The following SBK1 variants were observed in gnomAD, a reference collection of about 807,000 sequenced individuals.
SBK1 encodes SH3 domain binding kinase 1, also known as serine/threonine-protein kinase SBK1.
A neutral mutation model predicts 24.4 loss-of-function variants in SBK1; 11 were observed. That is an observed-to-expected ratio of 0.45 (90% confidence interval 0.28 to 0.75). The LOEUF (loss-of-function observed/expected upper bound fraction) is 0.75, where lower values mean the gene tolerates loss of function less well. Ranked by LOEUF, SBK1 falls within the 30% of genes least tolerant of loss-of-function variation. The pLI, the probability that SBK1 is intolerant of heterozygous loss-of-function variation, is 0.12. For synonymous variants in SBK1, 308 were observed against 284.4 expected, an observed-to-expected ratio of 1.08 and a Z score of -0.83; for missense variants, 467 against 620.5, an observed-to-expected ratio of 0.75 and a Z score of 2.63.
At chr16:28,318,813 C>G (rs2044816523) in intron 2 of SBK1, among the ~76,000 whole-genome samples, 182 bp from the exon 3 acceptor site, 1 of 152,134 alleles carries the variant, frequency 6.6e-6, no homozygotes, top group African/African-American at 2.4e-5. Context: ...TCAGGTTGAC[C>G]CTGCCTGCAT....
intron 1 of SBK1, among the ~76,000 whole-genome samples, chr16:28,305,301 C>T (rs1487233016): frequency 1.3e-5 from 2 of 152,128 alleles, no homozygotes; most frequent in African/African-American, 4.8e-5. Flanking sequence ...CAACCTCCAC[C>T]TCCCAGGTTC....
intron 1 of SBK1, among the ~76,000 whole-genome samples, chr16:28,263,953 T>C (rs1246729617): frequency 1.3e-5 from 2 of 151,396 alleles, no homozygotes; most frequent in Non-Finnish European, 2.9e-5. Flanking sequence ...AATGAGATCC[T>C]ATCCCTGCAA....
chr16:28,280,797 T>A (rs561134881), intron 1 of SBK1, among the ~76,000 whole-genome samples: 1 of 152,152 alleles, frequency 6.6e-6, no homozygotes, highest in South Asian at 2.1e-4. Context: ...CCTGAGTAAC[T>A]GGGATTATAG....
At chr16:28,303,507 C>CTTTTTT (rs143613970) in intron 1 of SBK1, among the ~76,000 whole-genome samples, 228 of 58,112 alleles carry the variant, frequency 3.9e-3, no homozygotes, top group Middle Eastern at 0.017. Flanking sequence ...CTTTTCTTTT[C>CTTTTTT]TTTTTTTTTT....
intron 1 of SBK1, among the ~76,000 whole-genome samples, chr16:28,301,888 A>G (rs79478794): frequency 0.015 from 2,285 of 152,316 alleles, 54 homozygotes; most frequent in African/African-American, 0.053. Flanking sequence ...ACACAGCTAA[A>G]AAGGGATGGA....
chr16:28,285,254 T>C (rs1019075140), intron 1 of SBK1: 1 of 152,142 alleles, frequency 6.6e-6, no homozygotes, highest in African/African-American at 2.4e-5. Context: ...GTCAGATATT[T>C]TTAATTTTAA....
intron 1 of SBK1, among the ~76,000 whole-genome samples, chr16:28,277,734 C>A (rs970010820): frequency 6.6e-6 from 1 of 152,192 alleles, no homozygotes; most frequent in Admixed American, 6.5e-5. Context: ...GGAGGGGATT[C>A]ATGTCCTGGG....
Position 28,320,714 on chromosome 16 carries a change from G to T in SBK1, c.1068G>T (p.Leu356=). 1.7e-6 allele frequency: 2 copies of T among 1,144,142 alleles called. No homozygotes were observed. Among genetic ancestry groups the T allele is most frequent in the South Asian group, 5.3e-5 (2 of 37,578 alleles). 70.9% of individuals were successfully genotyped at this position (1,144,142 alleles called of 1,614,324 possible). Residue 356 remains leucine, a synonymous_variant, in exon 4 of 4, where the codon CTG becomes CTT. Transcript: ENST00000341901. This position sits in a 1 kb window ranked among gnomAD's most constrained non-coding sequence, Gnocchi z 8.5. ...EAPGPLKRTV[L]TESGSGSRPA... is the part of the protein sequence containing the mutation. ...CTGGGCCGCTCAAGCGGACGGTGCT[G>T]ACCGAGAGCGGCAGCGGCTCCCGGC...
At chr16:28,275,602 C>A (rs192051999) in intron 1 of SBK1, among the ~76,000 whole-genome samples, 1 of 151,792 alleles carries the variant, frequency 6.6e-6, no homozygotes, top group Non-Finnish European at 1.5e-5. Context: ...GAGGGGGTCC[C>A]GGTGCAGTGG....
In SBK1 at chr16:28,323,323, C is replaced by CA. The variant is rs879154073; in HGVS notation, c.*2415dup. The CA allele has an allele frequency of 0.024, 3,262 of 137,812 alleles. 64 individuals carry two copies. The highest frequency in any genetic ancestry group is 0.054 in the African/African-American group (2,041 of 37,520). 8.5% of individuals were successfully genotyped at this position (137,812 alleles called of 1,614,324 possible). ...ACTGTAGACATGAAGACTTAGAAGA[C>CA]AAAAAAAAAAAAATCACACAAAAAA... On this transcript the variant is annotated 3_prime_UTR_variant, in exon 4 of 4. Transcript: ENST00000341901.
chr16:28,280,621 T>C (rs1279965761), intron 1 of SBK1, among the ~76,000 whole-genome samples: 9 of 152,036 alleles, frequency 5.9e-5, no homozygotes, highest in Admixed American at 5.9e-4. Flanking sequence ...ATATCCTCTA[T>C]GGCCCTACTG....
chr16:28,274,193 C>T lies in SBK1; in HGVS notation c.257+14691C>T, dbSNP rs139653510. 1.9e-4 allele frequency among the ~76,000 whole-genome samples: 29 copies of T among 152,094 alleles called. No individual in the cohort carries two copies. In the East Asian group the frequency reaches 3.9e-3, roughly 20 times the overall value. On this transcript the variant is annotated intron_variant, in intron 1 of 3. Coordinates refer to the SBK1 transcript ENST00000671413. The stretch of plus-strand genomic sequence containing the variant: ...ACTCTACAAAACAAAGAATGAGCCC[C>T]GATGATGTAACATATGAACTTTAGT...
chr16:28,320,802 C>A lies in SBK1; in HGVS notation c.1156C>A (p.Pro386Thr). ...PVPVPVPVPV[P>T]VPVPEPGLAP... ...GCCGGTGCCGGTGCCAGTGCCCGTG[C>A]CGGTGCCTGTGCCCGAGCCCGGCCT... is the stretch of plus-strand genomic sequence containing the variant. Residue 386 changes from proline (P) to threonine (T), a missense_variant, in exon 4 of 4, where the codon CCG (proline) becomes ACG (threonine). By Grantham distance (38) the Pro-to-Thr change is conservative. Around this residue, in one of 4 missense-constraint regions of SBK1, gnomAD observed 166 missense variants for 146.8 expected, o/e 1.13. Transcript: ENST00000341901. The surrounding 1 kb of genome is among the most constrained non-coding windows in gnomAD (Gnocchi z 8.5). 1 of 1,438,292 alleles carries A rather than the reference C, an allele frequency of 7.0e-7. No homozygotes were observed. The highest frequency in any genetic ancestry group is 9.1e-7 in the Non-Finnish European group (1 of 1,094,052). 89.1% of individuals were successfully genotyped at this position (1,438,292 alleles called of 1,614,324 possible).
chr16:28,320,658 C>G lies in SBK1; in HGVS notation c.1012C>G (p.Pro338Ala). ...GCGCAAGCCCCCCGGGGACCGCCCG[C>G]CCGCCGCCGGGCCACTGCGCCTCGA... ...RARKPPGDRP[P>A]AAGPLRLEAP... The change falls in exon 4 of 4, where the codon CCC becomes GCC. Residue 338 changes from proline (P) to alanine (A), a missense_variant. Pro to Ala is a conservative substitution (Grantham distance 27, BLOSUM62 -1). Coordinates refer to ENST00000341901, the MANE Select transcript of SBK1 (RefSeq NM_001024401.3). This position sits in a 1 kb window ranked among gnomAD's most constrained non-coding sequence, Gnocchi z 8.5. 13 of 1,101,530 alleles carry G rather than the reference C, an allele frequency of 1.2e-5. No homozygotes were observed. The highest frequency in any genetic ancestry group is 1.4e-5 in the Non-Finnish European group (13 of 904,682). The allele number at this position is 1,101,530 out of a possible 1,614,324, so 68.2% of individuals were successfully genotyped here.
intron 1 of SBK1, among the ~76,000 whole-genome samples, chr16:28,300,597 T>A (rs1446128011): frequency 6.6e-6 from 1 of 152,192 alleles, no homozygotes; most frequent in African/African-American, 2.4e-5. Context: ...GTGCTTGGAT[T>A]GCAGGCTTGA....
chr16:28,292,468 G>C (rs1013268717), upstream of SBK1: 56 of 920,806 alleles, frequency 6.1e-5, no homozygotes, highest in Non-Finnish European at 7.2e-5. Flanking sequence ...GCGCGAGCCG[G>C]AGGGCGGAGC....
In SBK1 at chr16:28,322,931, C is replaced by CGCGCG; in HGVS notation, c.*2010_*2011insGCGCG. On this transcript the variant is annotated 3_prime_UTR_variant, in exon 4 of 4. Transcript: ENST00000341901. ...CTCTCTCGCGCGCGCTCTCTCTCTC[C>CGCGCG]CTCTCTCTCTCTCTCTCTCTCTCTC... 1 of 55,392 alleles carries CGCGCG rather than the reference C, an allele frequency of 1.8e-5. No homozygotes were observed. The highest frequency in any genetic ancestry group is 8.2e-5 in the African/African-American group (1 of 12,216). 3.4% of individuals were successfully genotyped at this position (55,392 alleles called of 1,614,324 possible).
chr16:28,262,368 G>A (rs1171600895), intron 1 of SBK1, among the ~76,000 whole-genome samples: 2 of 152,204 alleles, frequency 1.3e-5, no homozygotes, highest in Non-Finnish European at 2.9e-5. Flanking sequence ...GTGATCCTGG[G>A]GAAGTCACTT....
chr16:28,273,601 C>T (rs7202543), intron 1 of SBK1, among the ~76,000 whole-genome samples: 147,290 of 152,222 alleles, frequency 0.97, 71,406 homozygotes, highest in East Asian at 1. Context: ...CCCACTTGTC[C>T]ATTTCATTTT....
Sources: gnomAD v4.1 joint callset for allele counts (sites outside exome capture counted in the v4.1 genomes callset) on GRCh38, gnomAD v4.1.1 for gene constraint, gnomAD v4.1.1 regional missense constraint, Gnocchi (gnomAD v3.1) non-coding constraint, MANE v1.5 for transcripts, NCBI Gene and HGNC (gene_info 2026-07-23, HGNC 2026-07-21) for gene names.